PPARG: variants seen among roughly 807,000 people sequenced by gnomAD.
PPARG encodes the protein peroxisome proliferator activated receptor gamma, also known as peroxisome proliferator-activated receptor gamma.
Under a neutral mutation model 39.2 loss-of-function variants are expected in PPARG, and 17 were observed. The ratio of observed to expected loss-of-function variants is 0.43; its 90% CI spans 0.30 to 0.65. The LOEUF is 0.65. PPARG is among the 30% of genes least tolerant of loss of function. The pLI is 0.13. For missense variants in PPARG, 406 were observed against 585.9 expected (o/e 0.69, Z 3.17); for synonymous variants, 223 against 215.7 (o/e 1.03, Z -0.30).
chr3:12,293,299 C>T (rs553768506), intron 1 of PPARG, among the ~76,000 whole-genome samples: 9 of 152,092 alleles, frequency 5.9e-5, no homozygotes, highest in Non-Finnish European at 1.0e-4. Flanking sequence ...TATTCCACTT[C>T]ATTGATTTTA....
At chr3:12,358,720 C>T (rs746677472) in intron 2 of PPARG, among the ~76,000 whole-genome samples, 7 of 152,234 alleles carry the variant, frequency 4.6e-5, no homozygotes, top group Admixed American at 1.3e-4. Flanking sequence ...GAAGTCTTTG[C>T]CATTTACAAA....
chr3:12,335,303 T>G (rs983850190), intron 2 of PPARG, among the ~76,000 whole-genome samples: 1 of 152,334 alleles, frequency 6.6e-6, no homozygotes, highest in South Asian at 2.1e-4. Flanking sequence ...ACTTCCAAAG[T>G]GTTCAGAATT....
intron 2 of PPARG, among the ~76,000 whole-genome samples, chr3:12,371,088 A>G (rs2049194476): frequency 6.6e-6 from 1 of 152,194 alleles, no homozygotes; most frequent in South Asian, 2.1e-4. Flanking sequence ...AATTACTGTT[A>G]TACTATTAAT....
In PPARG at chr3:12,434,013, G is replaced by A; in HGVS notation, c.1296G>A (p.Lys432=). ...CTGAGTCCTCACAGCTGTTTGCCAA[G>A]CTGCTCCAGAAAATGACAGACCTCA... is the stretch of plus-strand genomic sequence containing the variant. The part of the protein sequence containing the change: ...NHPESSQLFA[K]LLQKMTDLRQ... The change falls in exon 8 of 8, where the codon AAG becomes AAA. Residue 432 remains lysine (K), a synonymous_variant. Transcript: ENST00000651735. This position sits in a 1 kb window ranked among gnomAD's most constrained non-coding sequence, Gnocchi z 4.2. 2 of 1,614,216 alleles carry A rather than the reference G, an allele frequency of 1.2e-6. No individual in the cohort carries two copies. Among genetic ancestry groups the A allele is most frequent in the Non-Finnish European group, 8.5e-7 (1 of 1,180,034 alleles).
At chr3:12,329,431 C>A (rs772528588) in intron 2 of PPARG, among the ~76,000 whole-genome samples, 1 of 152,016 alleles carries the variant, frequency 6.6e-6, no homozygotes. Context: ...GTTTTGGGAC[C>A]GCTATAATTC....
At chr3:12,361,046 T>A (rs1356102182) in intron 2 of PPARG, among the ~76,000 whole-genome samples, 1 of 152,174 alleles carries the variant, frequency 6.6e-6, no homozygotes, top group African/African-American at 2.4e-5. Flanking sequence ...GTTCTAGCTC[T>A]TCTACACCAT....
intron 1 of PPARG, among the ~76,000 whole-genome samples, chr3:12,298,344 A>G (rs1198617123): frequency 2.0e-5 from 3 of 150,324 alleles, no homozygotes; most frequent in Non-Finnish European, 4.4e-5. Flanking sequence ...TAAAATAGCA[A>G]GCGAGTAGAG....
intron 2 of PPARG, among the ~76,000 whole-genome samples, chr3:12,322,057 A>G (rs1411333912): frequency 6.6e-6 from 1 of 152,260 alleles, no homozygotes; most frequent in African/African-American, 2.4e-5. Context: ...GAATTAAGAA[A>G]AGAATTTCCA....
chr3:12,413,240 T>TC (rs1553649682), intron 6 of PPARG, among the ~76,000 whole-genome samples: 1 of 151,910 alleles, frequency 6.6e-6, no homozygotes, highest in Non-Finnish European at 1.5e-5. Context: ...GGTAAGGAGG[T>TC]CCCCTGTGAA....
At chr3:12,402,087 G>A (rs990548346) in intron 5 of PPARG, among the ~76,000 whole-genome samples, 7 of 152,190 alleles carry the variant, frequency 4.6e-5, no homozygotes, top group African/African-American at 1.7e-4. Context: ...TTTTCTAGGT[G>A]TGTAAAGTTT....
rs556370276 is a variant in PPARG, at chr3:12,418,142, A to T, written c.1180+988A>T. ...CCAACATGCCCTGCTAATTTTAAAA[A>T]TTTTTTTGTAGAGATGAGGTCTCAT... On this transcript the variant is annotated intron_variant, in intron 7 of 7. Transcript: ENST00000651735. 1.6e-4 allele frequency among the ~76,000 whole-genome samples: 25 copies of T among 151,792 alleles called. No individual in the cohort carries two copies. In the South Asian group the frequency reaches 3.3e-3, roughly 20 times the overall value.
intron 1 of PPARG, among the ~76,000 whole-genome samples, chr3:12,293,536 AC>A (rs2046702095): frequency 6.6e-6 from 1 of 152,100 alleles, no homozygotes; most frequent in Non-Finnish European, 1.5e-5. Flanking sequence ...ATAGGGAAAT[AC>A]CCTGAGTAGG....
intron 2 of PPARG, among the ~76,000 whole-genome samples, chr3:12,350,060 C>G (rs140055843): frequency 6.6e-6 from 1 of 152,254 alleles, no homozygotes; most frequent in Non-Finnish European, 1.5e-5. Context: ...TCAATTCAGT[C>G]ATATCCTTAA....
intron 1 of PPARG, among the ~76,000 whole-genome samples, chr3:12,292,614 G>T (rs971519794): frequency 6.6e-6 from 1 of 152,136 alleles, no homozygotes; most frequent in Non-Finnish European, 1.5e-5. Context: ...AATTAACTGT[G>T]CACCATCCAA....
chr3:12,315,468 C>T lies in PPARG; in HGVS notation c.-9+3015C>T, dbSNP rs183495209. Among the ~76,000 whole-genome samples the T allele has an allele frequency of 2.6e-5, 4 of 152,316 alleles. No individual in the cohort carries two copies. In the East Asian group the frequency reaches 5.8e-4, roughly 22 times the overall value. On this transcript the variant is annotated intron_variant, in intron 2 of 7. Coordinates refer to ENST00000651735, the MANE Select transcript of PPARG (RefSeq NM_138711.6). ...GAAAGGTATGTAGGAACTCCCTCCA[C>T]TATCTTTGCAACCTTTCTGTAAGCC...
intron 7 of PPARG, among the ~76,000 whole-genome samples, chr3:12,430,381 G>C (rs1001326404): frequency 6.6e-6 from 1 of 152,120 alleles, no homozygotes; most frequent in South Asian, 2.1e-4. Context: ...ACGGTCTAAC[G>C]GGGGAGAAAC....
chr3:12,338,157 A>T (rs1033888352), intron 2 of PPARG, among the ~76,000 whole-genome samples: 8 of 152,224 alleles, frequency 5.3e-5, no homozygotes, highest in African/African-American at 1.7e-4. Flanking sequence ...GGAAAGTATG[A>T]CTTAGAAAAT....
intron 2 of PPARG, among the ~76,000 whole-genome samples, chr3:12,336,641 G>C (rs571284185): frequency 1.3e-5 from 2 of 152,242 alleles, no homozygotes; most frequent in Non-Finnish European, 2.9e-5. Context: ...CTCCAGATTT[G>C]ATAGCTATTA....
At chr3:12,317,032 G>A (rs1241887794) in intron 2 of PPARG, among the ~76,000 whole-genome samples, 1 of 152,174 alleles carries the variant, frequency 6.6e-6, no homozygotes, top group Non-Finnish European at 1.5e-5. Context: ...AGATGTACTG[G>A]ATGGAGCAAA....
Sources: allele counts gnomAD v4.1 joint callset (sites outside exome capture counted in the v4.1 genomes callset), GRCh38; gene constraint gnomAD v4.1.1; non-coding constraint Gnocchi (gnomAD v3.1); transcripts MANE v1.5; gene names NCBI Gene and HGNC (gene_info 2026-07-23, HGNC 2026-07-21).